The following BMP1 variants were observed in gnomAD, a reference collection of about 807,000 sequenced individuals.
BMP1 encodes the protein bone morphogenetic protein 1, also known as mammalian tolloid protein.
Under a neutral mutation model 116.8 loss-of-function variants are expected in BMP1, and 63 were observed. That is an observed-to-expected ratio of 0.54 (90% CI 0.44 to 0.67). The LOEUF is 0.67. Ranked by LOEUF, BMP1 falls within the 30% of genes least tolerant of loss-of-function variation. The pLI is 0.00. For missense variants in BMP1, 1,183 were observed against 1,358.9 expected, an observed-to-expected ratio of 0.87 and a Z score of 2.04; for synonymous variants, 536 against 533.4, an observed-to-expected ratio of 1.00 and a Z score of -0.07.
chr8:22,197,913 G>A (rs1263372835), intron 15 of BMP1, among the ~76,000 whole-genome samples: 2 of 152,154 alleles, frequency 1.3e-5, no homozygotes, highest in Non-Finnish European at 2.9e-5. Flanking sequence ...GGCCGGGCGC[G>A]GTGGCTCACG....
chr8:22,201,984 A>C (rs1829275389), intron 16 of BMP1, 56 bp downstream of exon 16: 2 of 1,566,118 alleles, frequency 1.3e-6, no homozygotes, highest in South Asian at 2.5e-5. Flanking sequence ...CTGGGAGTGG[A>C]AGCCCAGAGG....
chr8:22,201,333 C>A, intron 15 of BMP1: 1 of 1,502,010 alleles, frequency 6.7e-7, no homozygotes, highest in Non-Finnish European at 8.8e-7. Flanking sequence ...TCTGGCCGGA[C>A]AGAACTGGTG....
chr8:22,166,943 C>T lies in BMP1; in HGVS notation c.148+1390C>T, dbSNP rs77926389. Among the ~76,000 whole-genome samples the T allele has an allele frequency of 4.5e-3, 687 of 152,304 alleles. 8 individuals are homozygous for T. The highest frequency in any genetic ancestry group is 0.016 in the African/African-American group (664 of 41,562). ...GACCCTGCTACTCATTATAGCTGTA[C>T]CACCTCAGAATGGTAATGATCATGT... is the stretch of plus-strand genomic sequence containing the variant. On this transcript the variant is annotated intron_variant, in intron 1 of 19. Transcript: ENST00000306385.
intron 8 of BMP1, among the ~76,000 whole-genome samples, chr8:22,191,008 T>TC (rs1828916850): frequency 6.6e-6 from 1 of 152,094 alleles, no homozygotes; most frequent in African/African-American, 2.4e-5. Flanking sequence ...GGAAGTGGTT[T>TC]CCCCCCGGAA....
rs758551026 is a variant in BMP1 at position 22,206,843 on chromosome 8, C to A, written c.2234-11C>A. ...CCTCTCTATCCCCTTCCGTCACTCG[C>A]TTCCCTGCAGCCGGCTGTGACCACA... On this transcript the variant is annotated splice_polypyrimidine_tract_variant and intron_variant, in intron 16 of 19. Coordinates refer to ENST00000306385, the MANE Select transcript of BMP1 (RefSeq NM_006129.5). 1.2e-6 allele frequency: 2 copies of A among 1,614,166 alleles called. No homozygotes were observed. Among genetic ancestry groups the A allele is most frequent in the African/African-American group, 2.7e-5 (2 of 75,068 alleles).
intron 6 of BMP1, 107 bp downstream of exon 6, chr8:22,178,064 G>C (rs1421734586): frequency 1.0e-6 from 1 of 960,422 alleles, no homozygotes; most frequent in African/African-American, 1.6e-5. Context: ...CCCAGGAAAA[G>C]AGTGGCCCTC....
At chr8:22,176,901 CCT>C in intron 4 of BMP1, 58 bp from the exon 5 acceptor site, 1 of 1,476,192 alleles carries the variant, frequency 6.8e-7, no homozygotes, top group Non-Finnish European at 9.2e-7. Context: ...TGGCCCCGCC[CCT>C]GAGTGGATGC....
At chr8:22,183,320 G>A (rs1828676466) in intron 8 of BMP1, among the ~76,000 whole-genome samples, 1 of 152,204 alleles carries the variant, frequency 6.6e-6, no homozygotes, top group Admixed American at 6.5e-5. Flanking sequence ...GGAGGCTGAG[G>A]TGGGAGGATT....
At chr8:22,193,721 T>A (rs879328681) in intron 9 of BMP1, among the ~76,000 whole-genome samples, 1 of 152,174 alleles carries the variant, frequency 6.6e-6, no homozygotes, top group Non-Finnish European at 1.5e-5. Context: ...GAGGCAGAGG[T>A]TGCAGTGAGC....
chr8:22,180,336 C>T (rs760573256), intron 7 of BMP1, 32 bp from the exon 8 acceptor site: 2 of 1,569,600 alleles, frequency 1.3e-6, no homozygotes, highest in Non-Finnish European at 1.8e-6. Context: ...TTGGCGCCTG[C>T]AGCCCTGCCC....
chr8:22,178,239 C>A (rs559883594), intron 6 of BMP1, among the ~76,000 whole-genome samples: 5 of 152,334 alleles, frequency 3.3e-5, no homozygotes, highest in African/African-American at 1.2e-4. Context: ...GTGGGGTAGC[C>A]CCAAACTATC....
In BMP1 at chr8:22,185,828, C is replaced by CTTTTTTTTT. The variant is rs71204540; in HGVS notation, c.1077+5361_1077+5369dup. Among the ~76,000 whole-genome samples, 87 of 80,940 alleles carry CTTTTTTTTT rather than the reference C, an allele frequency of 1.1e-3. 1 individual carries two copies. The highest frequency in any genetic ancestry group is 2.4e-3 in the African/African-American group (45 of 18,774). 53.1% of individuals were successfully genotyped at this position (80,940 alleles called of 152,430 possible). A position where few individuals can be genotyped will look rare whatever the true frequency, so the allele number is the denominator to read the frequency against. ...GCAGAGACAGGGTTTCACTGTCTTT[C>CTTTTTTTTT]TTTTTTTTTTTTTTTTTTTTTTTTG... On this transcript the variant is annotated intron_variant, in intron 8 of 19. Coordinates refer to ENST00000306385, the MANE Select transcript of BMP1 (RefSeq NM_006129.5).
chr8:22,177,098 G>A lies in BMP1; in HGVS notation c.689G>A (p.Arg230Gln). 1 of 1,611,534 alleles carries A rather than the reference G, an allele frequency of 6.2e-7. No homozygotes were observed. Residue 230 changes from arginine (R) to glutamine (Q), a missense_variant, in exon 5 of 20, where the codon CGG becomes CAG. Physicochemically the swap from Arg to Gln is conservative, Grantham distance 43. Coordinates refer to ENST00000306385, the MANE Select transcript of BMP1 (RefSeq NM_006129.5). ...GFWHEHTRPDRDRHVSIVREN... is the reference protein window; with the variant it reads ...GFWHEHTRPDQDRHVSIVREN... ...TGGCACGAACACACTCGGCCAGACC[G>A]GGACCGCCACGTTTCCATCGTTCGT...
intron 16 of BMP1, among the ~76,000 whole-genome samples, chr8:22,204,120 T>C (rs1303164391): frequency 2.0e-5 from 3 of 152,094 alleles, no homozygotes; most frequent in East Asian, 3.9e-4. Context: ...CCCACGGAGA[T>C]TGCAGCCTAG....
rs1828440838 is a variant in BMP1, at chr8:22,176,541, AG to A, written c.445del (p.Ala149GlnfsTer7). ...VIGGNFTGSQ[R>X]AVFRQAMRHW... ...TTCCTTCCTCCTGGCAGGTAGCCAG[AG>A]GGCAGTCTTCCGGCAGGCCATGAGG... On this transcript the variant is annotated frameshift_variant, in exon 4 of 20. Transcript: ENST00000306385. LOFTEE classifies it high-confidence loss of function. The A allele has an allele frequency of 6.2e-7, 1 of 1,614,034 alleles. No individual in the cohort carries two copies. Among genetic ancestry groups the A allele is most frequent in the Non-Finnish European group, 8.5e-7 (1 of 1,179,996 alleles).
chr8:22,176,908 G>T, intron 4 of BMP1, 53 bp from the exon 5 acceptor site: 1 of 1,469,374 alleles, frequency 6.8e-7, no homozygotes, highest in Non-Finnish European at 9.3e-7. Flanking sequence ...GCCCCTGAGT[G>T]GATGCACTCC....
intron 15 of BMP1, chr8:22,201,592 G>A: frequency 7.3e-7 from 1 of 1,372,050 alleles, no homozygotes; most frequent in Non-Finnish European, 9.6e-7. Context: ...CCCACAGCTG[G>A]GCCCTGCTCA....
chr8:22,183,591 A>ACTT (rs771181800), intron 8 of BMP1, among the ~76,000 whole-genome samples: 1 of 146,986 alleles, frequency 6.8e-6, no homozygotes, highest in Admixed American at 6.8e-5. Flanking sequence ...GTATGTGTTA[A>ACTT]ATTATTATTA....
At position 22,207,334 on chromosome 8, in the gene BMP1, C is replaced by T. The variant is rs763050546; in HGVS notation, c.2393C>T (p.Pro798Leu). 6.2e-7 allele frequency: 1 copy of T among 1,613,944 alleles called. No homozygotes were observed. Among genetic ancestry groups the T allele is most frequent in the Non-Finnish European group, 8.5e-7 (1 of 1,179,790 alleles). Residue 798 changes from proline (P) to leucine (L), a missense_variant, in exon 18 of 20, where the codon CCT becomes CTT. Pro to Leu is a moderately conservative substitution (Grantham distance 98). Transcript: ENST00000306385. ...ATGGAGATGGACATCGAGTCCCAGC[C>T]TGAGTGTGCCTACGACCACCTAGAG... ...TFMEMDIESQPECAYDHLEVF... is the reference protein window; with the variant it reads ...TFMEMDIESQLECAYDHLEVF...
Sources: allele counts gnomAD v4.1 joint callset (sites outside exome capture counted in the v4.1 genomes callset), GRCh38; gene constraint gnomAD v4.1.1; transcripts MANE v1.5; gene names NCBI Gene and HGNC (gene_info 2026-07-23, HGNC 2026-07-21).